Variants in IMMP2L observed in about 807,000 individuals in gnomAD.
IMMP2L encodes the protein inner mitochondrial membrane peptidase subunit 2, also known as mitochondrial inner membrane protease subunit 2.
IMMP2L carries 18 observed loss-of-function variants against 19.3 expected under a neutral mutation model. That is an observed-to-expected ratio of 0.93 (90% confidence interval 0.64 to 1.38). The LOEUF is 1.38. IMMP2L is among the 40% of genes most tolerant of loss of function. The probability of loss-of-function intolerance (pLI) is 0.00; values close to 1 mark genes in which losing one functional copy is unlikely to be tolerated. For missense variants in IMMP2L, 233 were observed against 218.2 expected (o/e 1.07, Z -0.43); for synonymous variants, 76 against 73.0 (o/e 1.04, Z -0.21).
chr7:110,803,718 T>C lies in IMMP2L; in HGVS notation c.408+82875A>G, dbSNP rs376631389. ...CAAGTCCTGATGGGCTGACAGGCTATCCCCTGGGAGCACTCCCAGCAATTG... is the reference window on the plus strand; with the variant it reads ...CAAGTCCTGATGGGCTGACAGGCTACCCCCTGGGAGCACTCCCAGCAATTG... On this transcript the variant is annotated intron_variant, in intron 5 of 5. Coordinates refer to ENST00000405709, the MANE Select transcript of IMMP2L (RefSeq NM_032549.4). This position sits in a 1 kb window ranked among gnomAD's most constrained non-coding sequence, Gnocchi z 4.2. Among the ~76,000 whole-genome samples the C allele has an allele frequency of 2.9e-4, 44 of 152,116 alleles. No homozygotes were observed. In the East Asian group the frequency reaches 3.3e-3, roughly 11 times the overall value.
chr7:110,957,050 T>C (rs1340125299), intron 4 of IMMP2L, among the ~76,000 whole-genome samples: 1 of 152,038 alleles, frequency 6.6e-6, no homozygotes, highest in Non-Finnish European at 1.5e-5. Context: ...TTTTACTGTT[T>C]GATGTTATAG....
chr7:110,687,077 C>G (rs1793168678), intron 5 of IMMP2L, among the ~76,000 whole-genome samples: 1 of 152,040 alleles, frequency 6.6e-6, no homozygotes, highest in South Asian at 2.1e-4. Flanking sequence ...CAGTGCCCAT[C>G]AAATCTTGAG....
intron 3 of IMMP2L, among the ~76,000 whole-genome samples, chr7:111,034,647 G>A (rs933127893): frequency 6.6e-6 from 1 of 152,074 alleles, no homozygotes; most frequent in African/African-American, 2.4e-5. Flanking sequence ...TAGGGATTAA[G>A]TTTGTACCAT....
At chr7:111,402,170 ATAT>A (rs1360731092) in intron 3 of IMMP2L, among the ~76,000 whole-genome samples, 29 of 131,880 alleles carry the variant, frequency 2.2e-4, no homozygotes, top group Non-Finnish European at 3.1e-4. Context: ...AATAATAATA[ATAT>A]TAAGTTAGGA....
chr7:110,666,967 GT>G (rs1791503516), intron 5 of IMMP2L, among the ~76,000 whole-genome samples: 1 of 152,072 alleles, frequency 6.6e-6, no homozygotes, highest in Admixed American at 6.5e-5. Flanking sequence ...CGCCTCCCAG[GT>G]TCATGCCATT....
chr7:110,953,182 T>C (rs541130528), intron 4 of IMMP2L, among the ~76,000 whole-genome samples: 2 of 152,286 alleles, frequency 1.3e-5, no homozygotes, highest in Admixed American at 1.3e-4. Context: ...TCTTTTTTTA[T>C]ATACTTTAAG....
chr7:111,116,111 T>C (rs1006020654), intron 3 of IMMP2L, among the ~76,000 whole-genome samples: 2 of 152,224 alleles, frequency 1.3e-5, no homozygotes, highest in African/African-American at 2.4e-5. Flanking sequence ...GGAGAGAGAA[T>C]TGTGCTATTT....
At chr7:111,075,314 G>C (rs1028209836) in intron 3 of IMMP2L, among the ~76,000 whole-genome samples, 6 of 151,828 alleles carry the variant, frequency 4.0e-5, no homozygotes, top group African/African-American at 1.2e-4. Context: ...TTTTAGTAGA[G>C]ATGGGGTTTC....
At chr7:111,471,539 A>G (rs554154157) in intron 3 of IMMP2L, among the ~76,000 whole-genome samples, 28 of 152,262 alleles carry the variant, frequency 1.8e-4, no homozygotes, top group African/African-American at 6.7e-4. Context: ...CCAGATTTTT[A>G]AGACCTTATT....
At chr7:111,225,500 T>C (rs1296676455) in intron 3 of IMMP2L, among the ~76,000 whole-genome samples, 1 of 152,006 alleles carries the variant, frequency 6.6e-6, no homozygotes, top group Non-Finnish European at 1.5e-5. Context: ...CCAATGGATT[T>C]TGGAGTGAGA....
chr7:110,777,695 C>T (rs1310509548), intron 5 of IMMP2L, among the ~76,000 whole-genome samples: 1 of 151,904 alleles, frequency 6.6e-6, no homozygotes, highest in Non-Finnish European at 1.5e-5. Context: ...ATGTGTTATT[C>T]TGAGGATCTG....
At position 111,032,723 on chromosome 7, in the gene IMMP2L, G is replaced by A. The variant is rs150281391; in HGVS notation, c.240-69158C>T. Among the ~76,000 whole-genome samples the A allele has an allele frequency of 2.0e-5, 3 of 152,306 alleles. No homozygotes were observed. In the East Asian group the frequency reaches 5.8e-4, roughly 29 times the overall value. ...TGTAATCCTAGCTACTCAGGAGGCT[G>A]AGGCAGGAGAATTGCTTGAATCCAG... On this transcript the variant is annotated intron_variant, in intron 3 of 5. Coordinates refer to ENST00000405709, the MANE Select transcript of IMMP2L (RefSeq NM_032549.4).
At chr7:110,935,642 T>C (rs573972173) in intron 4 of IMMP2L, among the ~76,000 whole-genome samples, 4 of 152,200 alleles carry the variant, frequency 2.6e-5, no homozygotes, top group African/African-American at 9.6e-5. Flanking sequence ...ACCAAAAAAT[T>C]GCTATGCACA....
chr7:110,899,930 A>G (rs1172142685), intron 4 of IMMP2L, among the ~76,000 whole-genome samples: 1 of 152,194 alleles, frequency 6.6e-6, no homozygotes, highest in Admixed American at 6.5e-5. Context: ...TTGGAGAACA[A>G]AGTTCTCAAC....
In IMMP2L at chr7:111,085,927, G is replaced by T. The variant is rs911283849; in HGVS notation, c.240-122362C>A. 7.9e-5 allele frequency among the ~76,000 whole-genome samples: 12 copies of T among 152,192 alleles called. No individual in the cohort carries two copies. The East Asian group carries it at 2.3e-3, about 29-fold the overall frequency. The stretch of plus-strand genomic sequence containing the variant: ...CACATGTTCTCACTTATAAGTGGGG[G>T]CTAAGTGATGAAAAATCAACAGCCA... On this transcript the variant is annotated intron_variant, in intron 3 of 5. Transcript: ENST00000405709.
rs1017007743 is a variant in IMMP2L, at chr7:110,803,741, T to C, written c.408+82852A>G. Among the ~76,000 whole-genome samples, 5 of 151,938 alleles carry C rather than the reference T, an allele frequency of 3.3e-5. No individual in the cohort carries two copies. Among genetic ancestry groups the C allele is most frequent in the Non-Finnish European group, 7.4e-5 (5 of 67,926 alleles). Reference sequence around the variant, plus strand: ...TATCCCCTGGGAGCACTCCCAGCAATTGGGAGAAGTCATTCCTTGAAGGAA... The same window carrying C: ...TATCCCCTGGGAGCACTCCCAGCAACTGGGAGAAGTCATTCCTTGAAGGAA... On this transcript the variant is annotated intron_variant, in intron 5 of 5. Coordinates refer to ENST00000405709, the MANE Select transcript of IMMP2L (RefSeq NM_032549.4). This position sits in a 1 kb window ranked among gnomAD's most constrained non-coding sequence, Gnocchi z 4.2.
intron 3 of IMMP2L, among the ~76,000 whole-genome samples, chr7:111,156,950 A>C (rs2129604771): frequency 6.6e-6 from 1 of 152,168 alleles, no homozygotes; most frequent in South Asian, 2.1e-4. Flanking sequence ...ATTTTCAAGA[A>C]GTCTGTCAAG....
Position 111,544,783 on chromosome 7 carries a change from T to C in IMMP2L, c.-3+17068A>G, listed in dbSNP as rs550004643. ...ATTCAACATGTATAAAAATAATGTA[T>C]ATTGGCTTTTTTTTTTTCATGAGGG... On this transcript the variant is annotated intron_variant, in intron 1 of 5. Coordinates refer to ENST00000405709, the MANE Select transcript of IMMP2L (RefSeq NM_032549.4). Among the ~76,000 whole-genome samples the C allele has an allele frequency of 3.3e-5, 5 of 150,840 alleles. No homozygotes were observed. In the South Asian group the frequency reaches 1.0e-3, roughly 32 times the overall value.
chr7:110,878,112 CCCTGT>C (rs143281910), intron 5 of IMMP2L, among the ~76,000 whole-genome samples: 8,311 of 151,972 alleles, frequency 0.055, 714 homozygotes, highest in African/African-American at 0.19. Context: ...AGCTGAGTGC[CCCTGT>C]CCTGTTCTTT....
Sources: gnomAD v4.1 joint callset for allele counts (sites outside exome capture counted in the v4.1 genomes callset) on GRCh38, gnomAD v4.1.1 for gene constraint, Gnocchi (gnomAD v3.1) non-coding constraint, MANE v1.5 for transcripts, NCBI Gene and HGNC (gene_info 2026-07-23, HGNC 2026-07-21) for gene names.